The following NCOA1 variants were observed in gnomAD, a reference collection of about 807,000 sequenced individuals.
The protein encoded by NCOA1 is Hin-2 protein.
Under a neutral mutation model 150.9 loss-of-function variants are expected in NCOA1, and 35 were observed. The observed-to-expected ratio is 0.23, with a 90% CI of 0.18 to 0.31. The LOEUF (loss-of-function observed/expected upper bound fraction) is 0.31. Among genes scored for constraint, NCOA1 ranks in the 10% least tolerant of loss-of-function variants. NCOA1 has a pLI of 1.00. For missense variants in NCOA1, 1,491 were observed against 1,749.3 expected (o/e 0.85, Z 2.63); for synonymous variants, 590 against 630.0 (o/e 0.94, Z 0.95).
At position 24,576,149 on chromosome 2, in the gene NCOA1, GTTTTTTTTTTTT is replaced by G. The variant is rs1183405187; in HGVS notation, c.-259-8325_-259-8314del. 6.4e-5 allele frequency among the ~76,000 whole-genome samples: 6 copies of G among 94,026 alleles called. 1 individual carries two copies. The highest frequency in any genetic ancestry group is 2.3e-4 in the Admixed American group (2 of 8,680). 61.7% of individuals were successfully genotyped at this position (94,026 alleles called of 152,430 possible). On this transcript the variant is annotated intron_variant, in intron 2 of 22. Transcript: ENST00000348332. ...GAGTTTCAGAAATTATTTGGCCTTTGTTTTTTTTTTTTTGTTTTTTGTTTTTTTTTTTTTTTT... is the reference window on the plus strand; with the variant it reads ...GAGTTTCAGAAATTATTTGGCCTTTGTGTTTTTTGTTTTTTTTTTTTTTTT...
At chr2:24,752,866 T>C (rs1448934112) in intron 20 of NCOA1, among the ~76,000 whole-genome samples, 9 of 151,918 alleles carry the variant, frequency 5.9e-5, no homozygotes, top group Admixed American at 4.6e-4. Context: ...CTTAGAATTA[T>C]CTCACTAAAG....
At chr2:24,516,977 C>CGTGT (rs143605372) in intron 1 of NCOA1, among the ~76,000 whole-genome samples, 1 of 58,998 alleles carries the variant, frequency 1.7e-5, no homozygotes, top group African/African-American at 4.6e-5. Context: ...TATATATACA[C>CGTGT]ATATACGTAT....
intron 1 of NCOA1, among the ~76,000 whole-genome samples, chr2:24,509,991 A>G (rs1440147066): frequency 6.6e-6 from 1 of 152,240 alleles, no homozygotes; most frequent in Non-Finnish European, 1.5e-5. Flanking sequence ...TGACAGACTA[A>G]GAAAGAAATA....
In NCOA1 at chr2:24,493,072, T is replaced by G. The variant is rs915791432; in HGVS notation, c.-396+1470T>G. 3.9e-5 allele frequency among the ~76,000 whole-genome samples: 6 copies of G among 152,146 alleles called. No individual in the cohort carries two copies. The South Asian group carries it at 1.2e-3, about 31-fold the overall frequency. ...GGATTTCTTCATGTTGAGAATAATG[T>G]GAAAAGAAAGTATTTGCTTAGGTCT... On this transcript the variant is annotated intron_variant, in intron 1 of 22. Coordinates refer to ENST00000348332, the MANE Select transcript of NCOA1 (RefSeq NM_003743.5).
chr2:24,631,896 A>G (rs1054598120), intron 3 of NCOA1, among the ~76,000 whole-genome samples: 3 of 152,178 alleles, frequency 2.0e-5, no homozygotes, highest in Non-Finnish European at 2.9e-5. Context: ...CTGCTTCTCA[A>G]TGTCAGGATA....
chr2:24,555,312 G>A, intron 1 of NCOA1, among the ~76,000 whole-genome samples: 1 of 151,476 alleles, frequency 6.6e-6, no homozygotes, highest in Non-Finnish European at 1.5e-5. Flanking sequence ...ATTCCATTTT[G>A]GCCAGAAAAA....
chr2:24,578,719 A>G (rs576644583), intron 2 of NCOA1, among the ~76,000 whole-genome samples: 1 of 152,278 alleles, frequency 6.6e-6, no homozygotes, highest in African/African-American at 2.4e-5. Context: ...ATGGTAGTAT[A>G]TATCTTAAAA....
At chr2:24,751,225 C>G (rs568383929) in intron 19 of NCOA1, among the ~76,000 whole-genome samples, 2 of 151,232 alleles carry the variant, frequency 1.3e-5, no homozygotes, top group African/African-American at 4.8e-5. Flanking sequence ...CTCGGCCTCC[C>G]AAAGTGCTGG....
At chr2:24,658,932 T>A (rs1178057845) in intron 5 of NCOA1, 166 bp downstream of exon 5, 3 of 611,490 alleles carry the variant, frequency 4.9e-6, no homozygotes, top group Non-Finnish European at 8.6e-6. Flanking sequence ...TGTTTCTCCC[T>A]CAATCCAGCT....
chr2:24,681,778 G>A (rs1221533660), intron 7 of NCOA1, among the ~76,000 whole-genome samples: 2 of 151,050 alleles, frequency 1.3e-5, no homozygotes, highest in Admixed American at 6.6e-5. Context: ...GCAGTGGCGC[G>A]ATCTCGGCTC....
At chr2:24,576,149 GTTTTT>G (rs1183405187) in intron 2 of NCOA1, among the ~76,000 whole-genome samples, 27 of 94,004 alleles carry the variant, frequency 2.9e-4, no homozygotes, top group East Asian at 2.6e-3. Context: ...TTTGGCCTTT[GTTTTT>G]TTTTTTTTGT....
intron 4 of NCOA1, among the ~76,000 whole-genome samples, chr2:24,647,796 A>C (rs1328014860): frequency 1.3e-5 from 2 of 152,184 alleles, no homozygotes; most frequent in African/African-American, 4.8e-5. Context: ...TGGCAACTGG[A>C]AGGGTAAGCA....
intron 3 of NCOA1, among the ~76,000 whole-genome samples, chr2:24,641,275 T>C (rs1339199593): frequency 6.6e-6 from 1 of 151,302 alleles, no homozygotes; most frequent in Non-Finnish European, 1.5e-5. Flanking sequence ...TAATTAACAT[T>C]TAATATATTA....
chr2:24,638,092 A>G (rs927966580), intron 3 of NCOA1, among the ~76,000 whole-genome samples: 5 of 151,980 alleles, frequency 3.3e-5, no homozygotes, highest in African/African-American at 1.2e-4. Flanking sequence ...GTATCCTTCA[A>G]CAAATCTCTC....
At chr2:24,709,137 C>T (rs1390135879) in intron 13 of NCOA1, among the ~76,000 whole-genome samples, 1 of 152,134 alleles carries the variant, frequency 6.6e-6, no homozygotes, top group Non-Finnish European at 1.5e-5. Context: ...AAGCAGAAAA[C>T]AGCATTAAAT....
intron 3 of NCOA1, among the ~76,000 whole-genome samples, chr2:24,595,121 A>G (rs55650712): frequency 0.025 from 3,749 of 152,208 alleles, 64 homozygotes; most frequent in Non-Finnish European, 0.039. Context: ...GCACAGTTCA[A>G]TTATCTAAGT....
At chr2:24,508,926 T>A (rs1179066292) in intron 1 of NCOA1, among the ~76,000 whole-genome samples, 1 of 152,240 alleles carries the variant, frequency 6.6e-6, no homozygotes, top group Non-Finnish European at 1.5e-5. Flanking sequence ...ATCACCATGT[T>A]GTCTAGAAGA....
intron 14 of NCOA1, among the ~76,000 whole-genome samples, chr2:24,720,743 G>A (rs1333415407): frequency 6.6e-6 from 1 of 152,160 alleles, no homozygotes; most frequent in African/African-American, 2.4e-5. Flanking sequence ...ACAAAAATAT[G>A]ATAGCGTATA....
chr2:24,700,173 A>ATAG (rs1558297194), intron 11 of NCOA1, among the ~76,000 whole-genome samples: 1 of 149,102 alleles, frequency 6.7e-6, no homozygotes, highest in African/African-American at 2.4e-5. Context: ...AATAATAATA[A>ATAG]TAATAATAGT....
Sources: allele counts gnomAD v4.1 joint callset (sites outside exome capture counted in the v4.1 genomes callset), GRCh38; gene constraint gnomAD v4.1.1; transcripts MANE v1.5; gene names NCBI Gene and HGNC (gene_info 2026-07-23, HGNC 2026-07-21).